SUGCT: variants seen among roughly 807,000 people sequenced by gnomAD.
SUGCT encodes succinyl-CoA:glutarate-CoA transferase.
SUGCT carries 41 observed loss-of-function variants against 55.0 expected under a neutral mutation model. That is an observed-to-expected ratio of 0.74 (90% CI 0.58 to 0.97). SUGCT has a LOEUF of 0.97. SUGCT is among the 50% of genes least tolerant of loss of function. SUGCT has a pLI of 0.00. For missense variants in SUGCT, 568 were observed against 547.8 expected (o/e 1.04, Z -0.37); for synonymous variants, 187 against 200.4 (o/e 0.93, Z 0.56).
At chr7:40,803,257 C>T (rs1480238302) in intron 13 of SUGCT, among the ~76,000 whole-genome samples, 1 of 152,052 alleles carries the variant, frequency 6.6e-6, no homozygotes, top group Admixed American at 6.6e-5. Flanking sequence ...AAAGTAGCAA[C>T]CTTTTATAGA....
At chr7:41,008,179 C>G in the SUGCT span, among the ~76,000 whole-genome samples, 1 of 152,210 alleles carries the variant, frequency 6.6e-6, no homozygotes, top group Admixed American at 6.5e-5. Context: ...TGGCCACTTG[C>G]CTGTGGGAGG....
intron 13 of SUGCT, among the ~76,000 whole-genome samples, chr7:40,792,845 G>C (rs556195269): frequency 6.6e-6 from 1 of 152,108 alleles, no homozygotes; most frequent in Non-Finnish European, 1.5e-5. Context: ...TCTAGTTGGA[G>C]TTCCCTTAGA....
chr7:40,166,444 A>G (rs754559874), intron 1 of SUGCT, among the ~76,000 whole-genome samples: 4 of 152,230 alleles, frequency 2.6e-5, no homozygotes, highest in Non-Finnish European at 5.9e-5. Flanking sequence ...CTGATATTAA[A>G]TGAATTCAAT....
chr7:40,968,420 A>G, the SUGCT span, among the ~76,000 whole-genome samples: 1 of 152,186 alleles, frequency 6.6e-6, no homozygotes, highest in Non-Finnish European at 1.5e-5. Flanking sequence ...ACTAACTGGC[A>G]TGGACACAGC....
chr7:40,237,900 A>G (rs1789118152), intron 7 of SUGCT, among the ~76,000 whole-genome samples, 174 bp downstream of exon 7: 1 of 152,252 alleles, frequency 6.6e-6, no homozygotes. Context: ...GTGAATGCTT[A>G]TGAAAGTAAA....
At chr7:40,695,729 G>A (rs182005301) in intron 12 of SUGCT, among the ~76,000 whole-genome samples, 128 of 152,096 alleles carry the variant, frequency 8.4e-4, no homozygotes, top group African/African-American at 2.8e-3. Flanking sequence ...TGACATTTTG[G>A]GTTAAGAATA....
chr7:40,939,004 A>G, the SUGCT span, among the ~76,000 whole-genome samples: 89 of 152,336 alleles, frequency 5.8e-4, no homozygotes, highest in African/African-American at 2.0e-3. Context: ...TCTTTTTAAT[A>G]TAATGACTTC....
chr7:40,927,156 T>C, the SUGCT span, among the ~76,000 whole-genome samples: 4 of 152,240 alleles, frequency 2.6e-5, no homozygotes, highest in Non-Finnish European at 5.9e-5. Flanking sequence ...TAGTCTAAGA[T>C]ATGCAAAGGA....
chr7:40,553,502 A>G (rs1487616136), intron 12 of SUGCT, among the ~76,000 whole-genome samples: 2 of 152,176 alleles, frequency 1.3e-5, no homozygotes, highest in Non-Finnish European at 2.9e-5. Flanking sequence ...ATAATATATG[A>G]GAATTTCTCC....
chr7:40,406,124 G>A (rs573488847), intron 9 of SUGCT, among the ~76,000 whole-genome samples: 37 of 152,280 alleles, frequency 2.4e-4, no homozygotes, highest in Non-Finnish European at 4.6e-4. Context: ...GATTGGTTGA[G>A]TGGGGGATAA....
At chr7:40,919,636 C>G in the SUGCT span, among the ~76,000 whole-genome samples, 1 of 152,130 alleles carries the variant, frequency 6.6e-6, no homozygotes, top group South Asian at 2.1e-4. Flanking sequence ...CTTAATTTAT[C>G]TTTTATGATC....
chr7:40,663,678 A>T (rs1204509760), intron 12 of SUGCT, among the ~76,000 whole-genome samples: 2 of 151,788 alleles, frequency 1.3e-5, no homozygotes, highest in African/African-American at 2.4e-5. Flanking sequence ...TGTCCCTTAG[A>T]TCCTCTCAAT....
chr7:40,171,584 C>G (rs1221819394), intron 1 of SUGCT, among the ~76,000 whole-genome samples: 2 of 152,180 alleles, frequency 1.3e-5, no homozygotes, highest in Non-Finnish European at 2.9e-5. Context: ...TACTTTTAGA[C>G]TTTTGAGTTA....
At chr7:40,459,077 T>A in intron 10 of SUGCT, 24 bp from the exon 11 acceptor site, 2 of 1,531,098 alleles carry the variant, frequency 1.3e-6, no homozygotes, top group Non-Finnish European at 1.8e-6. Context: ...TTTCTTATAC[T>A]GGAAAATTAT....
intron 9 of SUGCT, among the ~76,000 whole-genome samples, chr7:40,373,849 T>C (rs970091562): frequency 3.3e-5 from 5 of 152,136 alleles, no homozygotes; most frequent in African/African-American, 7.2e-5. Context: ...TCAAATGCTT[T>C]ATAGTAAAAA....
intron 9 of SUGCT, among the ~76,000 whole-genome samples, chr7:40,337,446 T>C (rs113707842): frequency 2.6e-5 from 4 of 152,236 alleles, no homozygotes; most frequent in African/African-American, 7.2e-5. Flanking sequence ...ATTGGATGCA[T>C]ATATATTTAG....
chr7:40,306,055 C>G (rs10251283), intron 8 of SUGCT, among the ~76,000 whole-genome samples: 2 of 151,912 alleles, frequency 1.3e-5, no homozygotes, highest in Admixed American at 6.5e-5. Flanking sequence ...TATCTCTCCT[C>G]TCCTTTTTAC....
At chr7:40,427,982 T>C (rs562602328) in intron 9 of SUGCT, among the ~76,000 whole-genome samples, 1 of 152,310 alleles carries the variant, frequency 6.6e-6, no homozygotes, top group Admixed American at 6.5e-5. Flanking sequence ...CTGAATGTTC[T>C]ATTCGAGATT....
chr7:40,805,384 A>G, intron 13 of SUGCT, among the ~76,000 whole-genome samples: 1 of 152,150 alleles, frequency 6.6e-6, no homozygotes. Flanking sequence ...TGACTATAGT[A>G]GGACTCATCT....
Sources: gnomAD v4.1 joint callset for allele counts (sites outside exome capture counted in the v4.1 genomes callset) on GRCh38, gnomAD v4.1.1 for gene constraint, MANE v1.5 for transcripts, NCBI Gene and HGNC (gene_info 2026-07-23, HGNC 2026-07-21) for gene names.